The following PRTFDC1 variants were observed in gnomAD, a reference collection of about 807,000 sequenced individuals.
PRTFDC1 encodes the protein phosphoribosyl transferase domain containing 1.
PRTFDC1 carries 38 observed loss-of-function variants against 34.6 expected under a neutral mutation model. The ratio of observed to expected loss-of-function variants is 1.10; its 90% CI spans 0.85 to 1.44. PRTFDC1 has a LOEUF of 1.44. Among genes scored for constraint, PRTFDC1 ranks in the 40% most tolerant of loss-of-function variants. PRTFDC1 has a pLI of 0.00. For missense variants in PRTFDC1, 270 were observed against 283.0 expected, an observed-to-expected ratio of 0.95 and a Z score of 0.33; for synonymous variants, 93 against 98.1, an observed-to-expected ratio of 0.95 and a Z score of 0.31.
At chr10:24,895,767 C>CAT (rs1483717222) in intron 3 of PRTFDC1, among the ~76,000 whole-genome samples, 65 of 114,256 alleles carry the variant, frequency 5.7e-4, no homozygotes, top group African/African-American at 2.0e-3. Flanking sequence ...ATTCTCTATC[C>CAT]ATATATCTAG....
Position 24,848,922 on chromosome 10 carries a change from A to G in PRTFDC1, c.*922T>C, listed in dbSNP as rs1435434572. On this transcript the variant is annotated 3_prime_UTR_variant, in exon 9 of 9. Transcript: ENST00000320152. ...ATTTTGTGATCAGTCTTTTAAAGAT[A>G]TTTTTTAAAAAATTCAACCTCTGTC... 1 of 152,188 alleles carries G rather than the reference A, an allele frequency of 6.6e-6. No individual in the cohort carries two copies. Among genetic ancestry groups the G allele is most frequent in the African/African-American group, 2.4e-5 (1 of 41,460 alleles). The allele number at this position is 152,188 out of a possible 1,614,324, so 9.4% of individuals were successfully genotyped here.
chr10:24,854,991 TC>T (rs1847547969), intron 7 of PRTFDC1, among the ~76,000 whole-genome samples: 1 of 152,204 alleles, frequency 6.6e-6, no homozygotes, highest in Admixed American at 6.5e-5. Flanking sequence ...CGGGATCAGG[TC>T]TTCCTCTACT....
intron 3 of PRTFDC1, among the ~76,000 whole-genome samples, chr10:24,887,216 C>G (rs530524351): frequency 6.6e-6 from 1 of 151,350 alleles, no homozygotes; most frequent in South Asian, 2.1e-4. Context: ...ATGATCCACC[C>G]GCCTCGGCCT....
In PRTFDC1 at chr10:24,952,393, C is replaced by G. The variant is rs1317915316; in HGVS notation, c.48+135G>C. The G allele has an allele frequency of 1.9e-6, 2 of 1,043,718 alleles. No homozygotes were observed. The highest frequency in any genetic ancestry group is 2.7e-5 in the East Asian group (1 of 37,336). The allele number at this position is 1,043,718 out of a possible 1,614,324, so 64.7% of individuals were successfully genotyped here. ...GGAGGCCCGGGTCCGAGGATGGAAG[C>G]GATCCCCGCCGGGAGGGAGAACAAA... On this transcript the variant is annotated intron_variant, in intron 1 of 8. Coordinates refer to ENST00000320152, the MANE Select transcript of PRTFDC1 (RefSeq NM_020200.7). This position sits in a 1 kb window ranked among gnomAD's most constrained non-coding sequence, Gnocchi z 5.1.
chr10:24,855,852 G>A (rs1847564041), intron 6 of PRTFDC1, among the ~76,000 whole-genome samples: 1 of 152,072 alleles, frequency 6.6e-6, no homozygotes, highest in East Asian at 1.9e-4. Flanking sequence ...GCCAGGCACA[G>A]TAGCTCATGC....
intron 1 of PRTFDC1, among the ~76,000 whole-genome samples, chr10:24,949,230 C>T (rs577672357): frequency 2.0e-5 from 3 of 152,234 alleles, no homozygotes; most frequent in Admixed American, 6.5e-5. Flanking sequence ...GCTGGGACTA[C>T]AGGCATGCAC....
intron 3 of PRTFDC1, among the ~76,000 whole-genome samples, chr10:24,906,708 C>A (rs1204531388): frequency 6.6e-6 from 1 of 152,198 alleles, no homozygotes; most frequent in Non-Finnish European, 1.5e-5. Flanking sequence ...AAGGAGATTG[C>A]TATAAGACCT....
intron 3 of PRTFDC1, among the ~76,000 whole-genome samples, chr10:24,878,659 G>T (rs1175290567): frequency 6.6e-6 from 1 of 152,200 alleles, no homozygotes; most frequent in Admixed American, 6.5e-5. Context: ...ACGCCAGATA[G>T]CGCAGCAGGG....
chr10:24,947,525 C>T (rs186622220), intron 1 of PRTFDC1, among the ~76,000 whole-genome samples: 1 of 152,256 alleles, frequency 6.6e-6, no homozygotes, highest in African/African-American at 2.4e-5. Context: ...AAGTGACAAA[C>T]CCATTAAGTG....
At chr10:24,943,622 C>T (rs1296583154) in intron 1 of PRTFDC1, among the ~76,000 whole-genome samples, 1 of 149,688 alleles carries the variant, frequency 6.7e-6, no homozygotes, top group Non-Finnish European at 1.5e-5. Flanking sequence ...GCGATCTCTG[C>T]TCACTGCAAC....
chr10:24,943,882 C>A (rs189890080), intron 1 of PRTFDC1, among the ~76,000 whole-genome samples: 71 of 152,250 alleles, frequency 4.7e-4, no homozygotes, highest in Middle Eastern at 3.4e-3. Context: ...CACTCCTGCA[C>A]ACTTTGACTC....
chr10:24,892,048 T>A (rs1848271287), intron 3 of PRTFDC1, among the ~76,000 whole-genome samples: 1 of 152,200 alleles, frequency 6.6e-6, no homozygotes, highest in Non-Finnish European at 1.5e-5. Context: ...GCTATTATAG[T>A]GAGTCATGCT....
At chr10:24,917,036 C>G (rs1409306) in intron 3 of PRTFDC1, among the ~76,000 whole-genome samples, 26,918 of 152,174 alleles carry the variant, frequency 0.18, 3,416 homozygotes, top group African/African-American at 0.36. Flanking sequence ...TCCCCTTCCC[C>G]TTTGCCATCC....
chr10:24,935,791 C>A (rs552954794), intron 3 of PRTFDC1, among the ~76,000 whole-genome samples: 1 of 152,198 alleles, frequency 6.6e-6, no homozygotes, highest in Non-Finnish European at 1.5e-5. Context: ...GTGTTGTGAA[C>A]GACCTGTGGG....
intron 7 of PRTFDC1, among the ~76,000 whole-genome samples, chr10:24,852,979 G>A (rs1440118996): frequency 6.6e-6 from 1 of 152,058 alleles, no homozygotes; most frequent in Non-Finnish European, 1.5e-5. Context: ...TATTTTCTAG[G>A]GGGTTGCATT....
chr10:24,941,036 T>TTGTGTGTGTGTGTGTGTGTG (rs58812300), intron 2 of PRTFDC1, among the ~76,000 whole-genome samples: 2 of 150,068 alleles, frequency 1.3e-5, no homozygotes, highest in African/African-American at 4.9e-5. Context: ...TAAATTAATC[T>TTGTGTGTGTGTGTGTGTGTG]TGTGTGTGTG....
chr10:24,917,960 G>A (rs760851443), intron 3 of PRTFDC1, among the ~76,000 whole-genome samples: 8 of 152,138 alleles, frequency 5.3e-5, no homozygotes, highest in South Asian at 4.1e-4. Context: ...CCTGGTGTCC[G>A]TGTTTTTGGT....
intron 8 of PRTFDC1, among the ~76,000 whole-genome samples, chr10:24,850,834 CT>C (rs1173337300): frequency 1.3e-5 from 2 of 152,170 alleles, no homozygotes; most frequent in East Asian, 3.9e-4. Context: ...GTCTCTGTGA[CT>C]TTTGGTTTAA....
intron 7 of PRTFDC1, among the ~76,000 whole-genome samples, chr10:24,853,992 C>T (rs1208820244): frequency 6.6e-6 from 1 of 152,154 alleles, no homozygotes; most frequent in Non-Finnish European, 1.5e-5. Flanking sequence ...GCTTGCTGTG[C>T]TCAATTTCCT....
Sources: gnomAD v4.1 joint callset for allele counts (sites outside exome capture counted in the v4.1 genomes callset) on GRCh38, gnomAD v4.1.1 for gene constraint, Gnocchi (gnomAD v3.1) non-coding constraint, MANE v1.5 for transcripts, NCBI Gene and HGNC (gene_info 2026-07-23, HGNC 2026-07-21) for gene names.